GPD1: variants seen among roughly 807,000 people sequenced by gnomAD.
The protein encoded by GPD1 is glycerol-3-phosphate dehydrogenase 1.
A neutral mutation model predicts 34.4 loss-of-function variants in GPD1; 19 were observed. The ratio of observed to expected loss-of-function variants is 0.55; its 90% CI spans 0.39 to 0.81. The LOEUF is 0.81. Among genes scored for constraint, GPD1 ranks in the 30% least tolerant of loss-of-function variants. The probability of loss-of-function intolerance (pLI) is 0.00; values close to 1 mark genes in which losing one functional copy is unlikely to be tolerated. For synonymous variants in GPD1, 172 were observed against 174.1 expected (o/e 0.99, Z 0.09); for missense variants, 429 against 447.0 (o/e 0.96, Z 0.36).
chr12:50,106,852 A>G lies in GPD1; in HGVS notation c.547A>G (p.Thr183Ala), dbSNP rs1432825941. The G allele has an allele frequency of 6.2e-7, 1 of 1,612,822 alleles. No individual in the cohort carries two copies. Reference protein sequence around the residue: ...QGQLLKELMQTPNFRITVVQE... With the variant: ...QGQLLKELMQAPNFRITVVQE... ...ACAACTCCTGAAAGAGCTGATGCAGACACCAAACTTCCGTATCACAGTGGT... is the reference window on the plus strand; with the variant it reads ...ACAACTCCTGAAAGAGCTGATGCAGGCACCAAACTTCCGTATCACAGTGGT... Residue 183 changes from threonine to alanine, a missense_variant, in exon 5 of 8, where the codon ACA (threonine) becomes GCA (alanine). Physicochemically the swap from Thr to Ala is moderately conservative, Grantham distance 58. Transcript: ENST00000301149.
rs1460430494 is a variant in GPD1, at chr12:50,107,747, T to C, written c.793T>C (p.Cys265Arg). Reference sequence around the variant, plus strand: ...TGGTGTTGCTGACCTGATCACTACCTGCTATGGAGGGCGGAACCGGAAAGT... The same window carrying C: ...TGGTGTTGCTGACCTGATCACTACCCGCTATGGAGGGCGGAACCGGAAAGT... ...SCGVADLITT[C>R]YGGRNRKVAE... Residue 265 changes from cysteine to arginine, a missense_variant, in exon 6 of 8, where the codon TGC (cysteine) becomes CGC (arginine). Cys to Arg is a radical substitution (Grantham distance 180, BLOSUM62 -3). Coordinates refer to ENST00000301149, the MANE Select transcript of GPD1 (RefSeq NM_005276.4). The C allele has an allele frequency of 6.2e-7, 1 of 1,614,004 alleles. No homozygotes were observed. Among genetic ancestry groups the C allele is most frequent in the Non-Finnish European group, 8.5e-7 (1 of 1,180,002 alleles).
rs1951008858 is a variant in GPD1, at chr12:50,109,701, C to G, written c.*182C>G. On this transcript the variant is annotated 3_prime_UTR_variant, in exon 8 of 8. Coordinates refer to ENST00000301149, the MANE Select transcript of GPD1 (RefSeq NM_005276.4). ...CTGGAGATCCTGAACTGTCAAGCCA[C>G]TGGCAGCCTCATGCCACCACATTTG... The G allele has an allele frequency of 3.5e-6, 2 of 572,530 alleles. No individual in the cohort carries two copies. The highest frequency in any genetic ancestry group is 3.1e-6 in the Non-Finnish European group (1 of 318,282). 35.5% of individuals were successfully genotyped at this position (572,530 alleles called of 1,614,324 possible).
At chr12:50,105,525 C>T (rs764795976) in intron 2 of GPD1, 23 bp from the exon 3 acceptor site, 11 of 1,603,998 alleles carry the variant, frequency 6.9e-6, no homozygotes, top group East Asian at 4.5e-5. Context: ...GCCAGGCCCG[C>T]GAGCACTTGG....
chr12:50,109,188 A>G (rs1331481102), intron 7 of GPD1, among the ~76,000 whole-genome samples: 1 of 151,496 alleles, frequency 6.6e-6, no homozygotes, highest in Non-Finnish European at 1.5e-5. Context: ...CAGAAAATCC[A>G]AGCCAGAGAA....
rs967062283 is a variant in GPD1, at chr12:50,107,160, C to T, written c.612+243C>T. ...TGTCCCATTTTAGCCCCGTGTGGGACTCCCCACCCTCTGGCTCCAGGAGGT... is the reference window on the plus strand; with the variant it reads ...TGTCCCATTTTAGCCCCGTGTGGGATTCCCCACCCTCTGGCTCCAGGAGGT... On this transcript the variant is annotated intron_variant, in intron 5 of 7. Transcript: ENST00000301149. 52 of 673,022 alleles carry T rather than the reference C, an allele frequency of 7.7e-5. No individual in the cohort carries two copies. The African/African-American group carries it at 8.3e-4, about 11-fold the overall frequency. The allele number at this position is 673,022 out of a possible 1,614,324, so 41.7% of individuals were successfully genotyped here.
At position 50,104,712 on chromosome 12, in the gene GPD1, T is replaced by C. The variant is rs976738071; in HGVS notation, c.180T>C (p.Asn60=). 1 of 1,614,030 alleles carries C rather than the reference T, an allele frequency of 6.2e-7. No individual in the cohort carries two copies. The highest frequency in any genetic ancestry group is 8.5e-7 in the Non-Finnish European group (1 of 1,180,018). ...LTEIINTQHE[N]VKYLPGHKLP... ...AGATCATCAACACGCAGCATGAGAA[T>C]GTCAAATACCTGCCAGGGCACAAGT... The change falls in exon 2 of 8, where the codon AAT becomes AAC. Residue 60 remains asparagine, a synonymous_variant. Transcript: ENST00000301149.
At chr12:50,107,173 G>A in intron 5 of GPD1, 1 of 668,162 alleles carries the variant, frequency 1.5e-6, no homozygotes, top group Non-Finnish European at 2.7e-6. Flanking sequence ...CCCACCCTCT[G>A]GCTCCAGGAG....
Position 50,104,094 on chromosome 12 carries a change from A to G in GPD1, c.41+3A>G. 2 of 1,613,926 alleles carry G rather than the reference A, an allele frequency of 1.2e-6. No homozygotes were observed. Among genetic ancestry groups the G allele is most frequent in the Non-Finnish European group, 1.7e-6 (2 of 1,179,834 alleles). On this transcript the variant is annotated splice_donor_region_variant and intron_variant, in intron 1 of 7. Coordinates refer to ENST00000301149, the MANE Select transcript of GPD1 (RefSeq NM_005276.4). ...TGCATTGTAGGCTCCGGGAACTGGT[A>G]AGCAGCTCTGTCAAGTGATATGGGG... is the stretch of plus-strand genomic sequence containing the variant.
intron 3 of GPD1, 93 bp downstream of exon 3, chr12:50,105,781 A>G (rs770224331): frequency 7.8e-7 from 1 of 1,285,968 alleles, no homozygotes; most frequent in African/African-American, 1.5e-5. Context: ...AAAATGGCAG[A>G]CGCAGGCCAA....
chr12:50,104,252 G>C, intron 1 of GPD1, 161 bp downstream of exon 1: 1 of 755,830 alleles, frequency 1.3e-6, no homozygotes, highest in Non-Finnish European at 2.3e-6. Flanking sequence ...GCCCTCTCCT[G>C]ACCCCCGCCC....
intron 1 of GPD1, chr12:50,104,314 A>G (rs1025102690): frequency 8.5e-6 from 6 of 702,228 alleles, no homozygotes; most frequent in Admixed American, 6.1e-5. Flanking sequence ...AGAGCTCTCT[A>G]TGTGAAGAGC....
intron 2 of GPD1, among the ~76,000 whole-genome samples, 184 bp downstream of exon 2, chr12:50,104,935 C>T (rs1950968113): frequency 6.6e-6 from 1 of 152,152 alleles, no homozygotes; most frequent in South Asian, 2.1e-4. Flanking sequence ...GCTTTCCCCT[C>T]ACAGGCTCCC....
chr12:50,106,551 T>A (rs1307083316), intron 4 of GPD1, 125 bp downstream of exon 4: 15 of 957,186 alleles, frequency 1.6e-5, no homozygotes, highest in Non-Finnish European at 2.4e-5. Context: ...GCATCAGAGG[T>A]GAAGGAGGCT....
At chr12:50,108,172 C>A in intron 7 of GPD1, 42 bp downstream of exon 7, 3 of 1,104,852 alleles carry the variant, frequency 2.7e-6, no homozygotes, top group Non-Finnish European at 4.1e-6. Context: ...GGAGCCACAG[C>A]CAGAAGTGCT....
Position 50,106,211 on chromosome 12 carries a change from G to T in GPD1, c.361-77G>T, listed in dbSNP as rs1950976834. 4.6e-6 allele frequency: 6 copies of T among 1,308,736 alleles called. No homozygotes were observed. In the South Asian group the frequency reaches 8.8e-5, roughly 19 times the overall value. 81.1% of individuals were successfully genotyped at this position (1,308,736 alleles called of 1,614,324 possible). On this transcript the variant is annotated intron_variant, in intron 3 of 7. Transcript: ENST00000301149. ...GGGACACAGATGAGCAATGGATTTG[G>T]AAGGGACAGAATTTCTGGGCGGAAG... is the stretch of plus-strand genomic sequence containing the variant.
chr12:50,107,248 AGACT>A (rs1565747602), intron 5 of GPD1: 4 of 647,612 alleles, frequency 6.2e-6, no homozygotes, highest in South Asian at 4.5e-5. Flanking sequence ...ACACCCAGAC[AGACT>A]AATGGCCAGA....
rs1418309339 is a variant in GPD1, at chr12:50,106,306, A to G, written c.379A>G (p.Asn127Asp). The change falls in exon 4 of 8, where the codon AAT (asparagine) becomes GAT (aspartate). Residue 127 changes from asparagine to aspartate, a missense_variant. Transcript: ENST00000301149. Reference protein sequence around the residue: ...SLIKGVDEGPNGLKLISEVIG... With the variant: ...SLIKGVDEGPDGLKLISEVIG... ...TGCTCAGGGGGTAGACGAGGGCCCC[A>G]ATGGGCTGAAGCTCATCTCGGAAGT... 3.7e-6 allele frequency: 6 copies of G among 1,612,404 alleles called. No individual in the cohort carries two copies. The East Asian group carries it at 6.7e-5, about 18-fold the overall frequency.
Position 50,109,663 on chromosome 12 carries a change from C to T in GPD1, c.*144C>T. The T allele has an allele frequency of 1.7e-6, 1 of 600,788 alleles. No homozygotes were observed. The highest frequency in any genetic ancestry group is 2.8e-5 in the East Asian group (1 of 35,996). The allele number at this position is 600,788 out of a possible 1,614,324, so 37.2% of individuals were successfully genotyped here. A position where few individuals can be genotyped will look rare whatever the true frequency, so the allele number is the denominator to read the frequency against. On this transcript the variant is annotated 3_prime_UTR_variant, in exon 8 of 8. Coordinates refer to ENST00000301149, the MANE Select transcript of GPD1 (RefSeq NM_005276.4). ...CACTGGAGGACAGGAGGCTATGGGG[C>T]CCAGCTACGCACCTGGAGATCCTGA... is the stretch of plus-strand genomic sequence containing the variant.
chr12:50,105,920 T>G, intron 3 of GPD1: 1 of 692,152 alleles, frequency 1.4e-6, no homozygotes, highest in Non-Finnish European at 2.6e-6. Flanking sequence ...CTCGGGGAGT[T>G]TCGGAGGTAT....
Sources: gnomAD v4.1 joint callset for allele counts (sites outside exome capture counted in the v4.1 genomes callset) on GRCh38, gnomAD v4.1.1 for gene constraint, MANE v1.5 for transcripts, NCBI Gene and HGNC (gene_info 2026-07-23, HGNC 2026-07-21) for gene names.